PRKAG2: variants seen among roughly 807,000 people sequenced by gnomAD.
PRKAG2 encodes 5'-AMP-activated protein kinase subunit gamma-2.
Under a neutral mutation model 69.6 loss-of-function variants are expected in PRKAG2, and 26 were observed. That is an observed-to-expected ratio of 0.37 (90% CI 0.27 to 0.52). The LOEUF (loss-of-function observed/expected upper bound fraction) is 0.52, where lower values mean the gene tolerates loss of function less well. Ranked by LOEUF, PRKAG2 falls within the 20% of genes least tolerant of loss-of-function variation. PRKAG2 has a pLI of 0.90. For missense variants in PRKAG2, 557 were observed against 740.0 expected (o/e 0.75, Z 2.87); for synonymous variants, 293 against 285.0 (o/e 1.03, Z -0.28).
At chr7:151,600,829 A>C (rs1355588192) in intron 5 of PRKAG2, among the ~76,000 whole-genome samples, 1 of 152,270 alleles carries the variant, frequency 6.6e-6, no homozygotes, top group Non-Finnish European at 1.5e-5. Flanking sequence ...CCACAAAAGA[A>C]GTGAACGTCT....
chr7:151,750,096 C>CAAAAA (rs35915808), intron 3 of PRKAG2, among the ~76,000 whole-genome samples: 27 of 62,912 alleles, frequency 4.3e-4, no homozygotes, highest in Non-Finnish European at 5.6e-4. Context: ...GACTCCATCT[C>CAAAAA]AAAAAAAAAA....
intron 3 of PRKAG2, among the ~76,000 whole-genome samples, chr7:151,701,039 C>T (rs1319153656): frequency 2.0e-5 from 3 of 152,220 alleles, no homozygotes; most frequent in East Asian, 1.9e-4. Context: ...ACCCAGCAGA[C>T]GCCTGTCCTC....
intron 1 of PRKAG2, among the ~76,000 whole-genome samples, chr7:151,818,289 C>T (rs112390622): frequency 3.3e-5 from 5 of 152,138 alleles, no homozygotes; most frequent in South Asian, 2.1e-4. Flanking sequence ...GTGTAAAAGG[C>T]GTGTCTCCAG....
chr7:151,588,698 C>G (rs2151099844), intron 6 of PRKAG2, among the ~76,000 whole-genome samples: 1 of 151,172 alleles, frequency 6.6e-6, no homozygotes, highest in African/African-American at 2.4e-5. Context: ...CCTGCACAAG[C>G]TCTCTCTGCT....
At chr7:151,618,109 C>A (rs1276206745) in intron 5 of PRKAG2, among the ~76,000 whole-genome samples, 3 of 152,040 alleles carry the variant, frequency 2.0e-5, no homozygotes, top group Non-Finnish European at 4.4e-5. Context: ...ATCGCTTGAG[C>A]TCAGGAGTTC....
intron 1 of PRKAG2, among the ~76,000 whole-genome samples, chr7:151,822,502 C>T (rs2078810893): frequency 6.6e-6 from 1 of 152,188 alleles, no homozygotes; most frequent in Non-Finnish European, 1.5e-5. Context: ...TCTCAGAGCA[C>T]GCGGCGGCCC....
At chr7:151,604,379 G>C (rs1816969184) in intron 5 of PRKAG2, among the ~76,000 whole-genome samples, 1 of 152,358 alleles carries the variant, frequency 6.6e-6, no homozygotes, top group African/African-American at 2.4e-5. Context: ...GCTCCCACCT[G>C]TAATTCCAGC....
intron 4 of PRKAG2, among the ~76,000 whole-genome samples, chr7:151,637,728 C>T (rs1410771295): frequency 7.4e-6 from 1 of 134,978 alleles, no homozygotes; most frequent in Non-Finnish European, 1.6e-5. Flanking sequence ...TTTTTTATAA[C>T]ACACTAAGTC....
At chr7:151,735,445 T>C (rs1414903250) in intron 3 of PRKAG2, among the ~76,000 whole-genome samples, 1 of 152,030 alleles carries the variant, frequency 6.6e-6, no homozygotes, top group Non-Finnish European at 1.5e-5. Context: ...GGCAGGTGTT[T>C]CCCCTCCCAC....
intron 1 of PRKAG2, among the ~76,000 whole-genome samples, chr7:151,874,156 GATGTATATGTATATGATGTATATGTAT>G (rs2080300051): frequency 2.7e-5 from 3 of 110,546 alleles, no homozygotes; most frequent in South Asian, 2.8e-4. Context: ...ATATGTATAT[GATGTATATGTATATGATGTATATGTAT>G]ATGTATATGT....
At chr7:151,770,997 G>A (rs564389227) in intron 3 of PRKAG2, among the ~76,000 whole-genome samples, 4 of 152,152 alleles carry the variant, frequency 2.6e-5, no homozygotes, top group Non-Finnish European at 5.9e-5. Flanking sequence ...GTGGGCTTAT[G>A]ACCTCACACA....
chr7:151,637,217 TA>T (rs1825883197), intron 4 of PRKAG2, among the ~76,000 whole-genome samples: 1 of 152,098 alleles, frequency 6.6e-6, no homozygotes, highest in South Asian at 2.1e-4. Flanking sequence ...TATCTCAAAA[TA>T]AAAAGTTTAA....
At chr7:151,797,702 C>G (rs562413533) in intron 1 of PRKAG2, among the ~76,000 whole-genome samples, 68 of 152,312 alleles carry the variant, frequency 4.5e-4, no homozygotes, top group African/African-American at 1.4e-3. Flanking sequence ...ACAGGGAGTT[C>G]AGAGGAAGGA....
chr7:151,855,190 C>T (rs1277026830), intron 1 of PRKAG2, among the ~76,000 whole-genome samples: 14 of 125,704 alleles, frequency 1.1e-4, no homozygotes, highest in Admixed American at 2.3e-4. Flanking sequence ...ACACACACCA[C>T]CCTCCACACA....
rs990628420 is a variant in PRKAG2 at position 151,869,749 on chromosome 7, C to T, written c.114+6758G>A. Among the ~76,000 whole-genome samples the T allele has an allele frequency of 5.5e-4, 83 of 152,252 alleles. 1 individual carries two copies. Among genetic ancestry groups the T allele is most frequent in the African/African-American group, 1.9e-3 (80 of 41,470 alleles). The stretch of plus-strand genomic sequence containing the variant: ...GCCGTGCCCCACTGAGGACGACCCT[C>T]GCTGATCAGCCCTCTCACACCCAGC... On this transcript the variant is annotated intron_variant, in intron 1 of 15. Coordinates refer to ENST00000287878, the MANE Select transcript of PRKAG2 (RefSeq NM_016203.4).
intron 6 of PRKAG2, among the ~76,000 whole-genome samples, chr7:151,576,790 C>G (rs532075982): frequency 6.6e-6 from 1 of 152,148 alleles, no homozygotes. Context: ...CGTGAGCCAC[C>G]GCACCTGGCC....
intron 3 of PRKAG2, among the ~76,000 whole-genome samples, chr7:151,708,226 T>C (rs2151594101): frequency 6.7e-6 from 1 of 149,406 alleles, no homozygotes; most frequent in South Asian, 2.2e-4. Context: ...TGTGAGGTAT[T>C]GTGAAAGGAA....
At chr7:151,876,244 C>T (rs866174298) in intron 1 of PRKAG2, among the ~76,000 whole-genome samples, 10 of 151,768 alleles carry the variant, frequency 6.6e-5, no homozygotes, top group African/African-American at 2.4e-4. Flanking sequence ...CCGCCGCGCC[C>T]GGCGCCCCCT....
intron 4 of PRKAG2, among the ~76,000 whole-genome samples, chr7:151,674,197 C>G (rs1832529872): frequency 6.6e-6 from 1 of 152,082 alleles, no homozygotes; most frequent in Admixed American, 6.6e-5. Context: ...GGGAAGATGG[C>G]TATGTGAGAA....
Sources: allele counts gnomAD v4.1 joint callset (sites outside exome capture counted in the v4.1 genomes callset), GRCh38; gene constraint gnomAD v4.1.1; transcripts MANE v1.5; gene names NCBI Gene and HGNC (gene_info 2026-07-23, HGNC 2026-07-21).